The following GABRA5 variants were observed in gnomAD, a reference collection of about 807,000 sequenced individuals.
GABRA5 encodes gamma-aminobutyric acid receptor subunit alpha-5.
Under a neutral mutation model 47.3 loss-of-function variants are expected in GABRA5, and 18 were observed. That is an observed-to-expected ratio of 0.38 (90% CI 0.26 to 0.56). The LOEUF (loss-of-function observed/expected upper bound fraction) is 0.56. Among genes scored for constraint, GABRA5 ranks in the 20% least tolerant of loss-of-function variants. The probability of loss-of-function intolerance (pLI) is 0.71; values close to 1 mark genes in which losing one functional copy is unlikely to be tolerated. For missense variants in GABRA5, 365 were observed against 599.3 expected, an observed-to-expected ratio of 0.61 and a Z score of 4.08; for synonymous variants, 237 against 229.3, an observed-to-expected ratio of 1.03 and a Z score of -0.30.
chr15:26,944,105 G>A (rs527293737), intron 10 of GABRA5, among the ~76,000 whole-genome samples: 1 of 152,346 alleles, frequency 6.6e-6, no homozygotes, highest in South Asian at 2.1e-4. Context: ...AGAACAGGAG[G>A]TCAGAGCCAT....
At chr15:26,926,459 A>G (rs1247528337) in intron 7 of GABRA5, among the ~76,000 whole-genome samples, 2 of 152,314 alleles carry the variant, frequency 1.3e-5, no homozygotes, top group East Asian at 3.9e-4. Context: ...TTAGATATAT[A>G]CAGAGATTAA....
intron 4 of GABRA5, among the ~76,000 whole-genome samples, chr15:26,882,851 G>A (rs1293424400): frequency 6.6e-6 from 1 of 152,288 alleles, no homozygotes; most frequent in Admixed American, 6.5e-5. Flanking sequence ...AGGAGGAAAT[G>A]GAAGCTCGGG....
At chr15:26,947,092 T>C (rs1258138704) in intron 10 of GABRA5, among the ~76,000 whole-genome samples, 1 of 152,216 alleles carries the variant, frequency 6.6e-6, no homozygotes, top group Non-Finnish European at 1.5e-5. Context: ...GGGCTTCCCT[T>C]ATATCCACAC....
chr15:26,901,980 G>T (rs571299851), intron 6 of GABRA5, among the ~76,000 whole-genome samples: 2 of 151,816 alleles, frequency 1.3e-5, no homozygotes, highest in South Asian at 4.2e-4. Flanking sequence ...GGCTATTTCT[G>T]GACTGTGTTC....
At chr15:26,940,210 C>A in intron 9 of GABRA5, 133 bp downstream of exon 9, 1 of 720,602 alleles carries the variant, frequency 1.4e-6, no homozygotes, top group Non-Finnish European at 2.3e-6. Flanking sequence ...AGAAATTGAC[C>A]CACTAATTAA....
At chr15:26,907,566 C>G (rs1195767644) in intron 6 of GABRA5, among the ~76,000 whole-genome samples, 1 of 152,114 alleles carries the variant, frequency 6.6e-6, no homozygotes, top group Non-Finnish European at 1.5e-5. Flanking sequence ...AATGGCCAGG[C>G]ACTGAAAGAA....
At position 26,948,688 on chromosome 15, in the gene GABRA5, A is replaced by T. The variant is rs1368137188; in HGVS notation, c.*455A>T. On this transcript the variant is annotated 3_prime_UTR_variant, in exon 11 of 11. Transcript: ENST00000335625. ...GATCATAAAGAGCACGTTTTCCATT[A>T]TGAGGAAACTTGGACATTTATGTAC... The T allele has an allele frequency of 6.2e-6, 1 of 160,188 alleles. No homozygotes were observed. Among genetic ancestry groups the T allele is most frequent in the Admixed American group, 5.9e-5 (1 of 16,986 alleles). 9.9% of individuals were successfully genotyped at this position (160,188 alleles called of 1,614,324 possible).
chr15:26,893,256 TTG>T (rs372029465), intron 6 of GABRA5, among the ~76,000 whole-genome samples: 4 of 143,004 alleles, frequency 2.8e-5, no homozygotes, highest in South Asian at 2.2e-4. Flanking sequence ...ATATGGTGTG[TTG>T]TGTGTGTATG....
At chr15:26,894,999 G>A (rs975845884) in intron 6 of GABRA5, among the ~76,000 whole-genome samples, 1 of 151,712 alleles carries the variant, frequency 6.6e-6, no homozygotes, top group Non-Finnish European at 1.5e-5. Flanking sequence ...ATCCTGCTGG[G>A]GTCTGAAACT....
chr15:26,894,137 A>G (rs1057123386), intron 6 of GABRA5, among the ~76,000 whole-genome samples: 1 of 152,090 alleles, frequency 6.6e-6, no homozygotes, highest in South Asian at 2.1e-4. Context: ...CCCTGCCCAG[A>G]CGGCGCCGGA....
chr15:26,932,285 C>A (rs1566884540), intron 7 of GABRA5, among the ~76,000 whole-genome samples: 2 of 152,046 alleles, frequency 1.3e-5, no homozygotes, highest in African/African-American at 4.8e-5. Context: ...AAAAAAACAA[C>A]CCCATTAAAA....
intron 3 of GABRA5, 143 bp downstream of exon 3, chr15:26,869,477 G>T: frequency 1.6e-6 from 1 of 635,894 alleles, no homozygotes; most frequent in Non-Finnish European, 2.9e-6. Context: ...GTAAATAAAT[G>T]AAGTCATTGC....
intron 7 of GABRA5, among the ~76,000 whole-genome samples, chr15:26,918,256 G>A (rs1893762741): frequency 6.6e-6 from 1 of 151,658 alleles, no homozygotes; most frequent in Non-Finnish European, 1.5e-5. Context: ...TTTCTTCTTT[G>A]GCCCATTGGT....
At chr15:26,876,696 G>A (rs1408770490) in intron 3 of GABRA5, among the ~76,000 whole-genome samples, 1 of 152,162 alleles carries the variant, frequency 6.6e-6, no homozygotes, top group Non-Finnish European at 1.5e-5. Context: ...ATCTCCCAGT[G>A]AGTTTTCATG....
At chr15:26,943,481 CTGAT>C in intron 10 of GABRA5, 55 bp downstream of exon 10, 1 of 1,443,458 alleles carries the variant, frequency 6.9e-7, no homozygotes. Flanking sequence ...GAAAGTGTGC[CTGAT>C]TCTATCCAAA....
intron 10 of GABRA5, among the ~76,000 whole-genome samples, chr15:26,945,200 G>A (rs376616357): frequency 7.2e-5 from 11 of 152,160 alleles, no homozygotes; most frequent in African/African-American, 2.7e-4. Context: ...CTGCCAGGAA[G>A]GCTCTGCGTG....
At chr15:26,924,333 C>A (rs1893908422) in intron 7 of GABRA5, among the ~76,000 whole-genome samples, 1 of 152,002 alleles carries the variant, frequency 6.6e-6, no homozygotes, top group Non-Finnish European at 1.5e-5. Flanking sequence ...TAGGCCTCTA[C>A]TGATAGTTCC....
intron 7 of GABRA5, among the ~76,000 whole-genome samples, chr15:26,916,612 G>C (rs1893722439): frequency 6.6e-6 from 1 of 152,178 alleles, no homozygotes; most frequent in South Asian, 2.1e-4. Context: ...TATAAAAACT[G>C]CTGCTGGAAT....
intron 3 of GABRA5, among the ~76,000 whole-genome samples, chr15:26,872,702 G>A (rs1892502710): frequency 6.6e-6 from 1 of 152,220 alleles, no homozygotes; most frequent in African/African-American, 2.4e-5. Context: ...ACTCCTGAGA[G>A]GCCAGAGAAC....
Sources: gnomAD v4.1 joint callset for allele counts (sites outside exome capture counted in the v4.1 genomes callset) on GRCh38, gnomAD v4.1.1 for gene constraint, MANE v1.5 for transcripts, NCBI Gene and HGNC (gene_info 2026-07-23, HGNC 2026-07-21) for gene names.